SLIT2: variants seen among roughly 807,000 people sequenced by gnomAD.
The protein encoded by SLIT2 is slit homolog 2 protein.
A neutral mutation model predicts 185.7 loss-of-function variants in SLIT2; 41 were observed. That is an observed-to-expected ratio of 0.22 (90% CI 0.17 to 0.29). The LOEUF (loss-of-function observed/expected upper bound fraction) is 0.29. Ranked by LOEUF, SLIT2 falls within the 10% of genes least tolerant of loss-of-function variation. The pLI is 1.00. For missense variants in SLIT2, 1,571 were observed against 1,909.0 expected, an observed-to-expected ratio of 0.82 and a Z score of 3.30; for synonymous variants, 693 against 680.2, an observed-to-expected ratio of 1.02 and a Z score of -0.29.
At chr4:20,410,802 C>T (rs1310978873) in intron 4 of SLIT2, among the ~76,000 whole-genome samples, 1 of 152,014 alleles carries the variant, frequency 6.6e-6, no homozygotes, top group African/African-American at 2.4e-5. Flanking sequence ...CAGTATCATG[C>T]TGTTTTGGTT....
rs187695369 is a variant in SLIT2, at chr4:20,505,285, G to A, written c.915-5210G>A. Among the ~76,000 whole-genome samples, 27 of 152,158 alleles carry A rather than the reference G, an allele frequency of 1.8e-4. No individual in the cohort carries two copies. The South Asian group carries it at 5.2e-3, about 29-fold the overall frequency. On this transcript the variant is annotated intron_variant, in intron 9 of 36. Coordinates refer to ENST00000504154, the MANE Select transcript of SLIT2 (RefSeq NM_004787.4). ...GTAAGGTCCAGAGAGCTAATCAGCT[G>A]CAGATCCAGAATTTAGTCCATGTCT...
chr4:20,575,232 T>G (rs1725989878), intron 29 of SLIT2, among the ~76,000 whole-genome samples: 1 of 152,254 alleles, frequency 6.6e-6, no homozygotes, highest in African/African-American at 2.4e-5. Context: ...CATGCTTATG[T>G]TTATAAAAGC....
rs1728148853 is a variant in SLIT2, at chr4:20,598,408, C to T, written c.3692+13C>T. 1 of 1,613,504 alleles carries T rather than the reference C, an allele frequency of 6.2e-7. No individual in the cohort carries two copies. Among genetic ancestry groups the T allele is most frequent in the African/African-American group, 1.3e-5 (1 of 74,828 alleles). On this transcript the variant is annotated intron_variant, in intron 33 of 36. Coordinates refer to ENST00000504154, the MANE Select transcript of SLIT2 (RefSeq NM_004787.4). ...CTGCCATTTACAGGTGAAGATCTCT[C>T]AGTTACGGGTAAAGGTGAAAAAAAT...
Position 20,253,700 on chromosome 4 carries a change from G to A in SLIT2, c.-116G>A. The stretch of plus-strand genomic sequence containing the variant: ...TATTATTTGGTGCACATTTTCCCTG[G>A]CACTCTGGGTTGCTAGCCCCGCCGG... On this transcript the variant is annotated 5_prime_UTR_variant, in exon 1 of 37. Coordinates refer to ENST00000504154, the MANE Select transcript of SLIT2 (RefSeq NM_004787.4). The A allele has an allele frequency of 1.6e-6, 2 of 1,237,566 alleles. No homozygotes were observed. The highest frequency in any genetic ancestry group is 2.3e-5 in the East Asian group (1 of 42,720). The allele number at this position is 1,237,566 out of a possible 1,614,324, so 76.7% of individuals were successfully genotyped here.
intron 4 of SLIT2, among the ~76,000 whole-genome samples, chr4:20,401,914 T>C (rs1332943027): frequency 6.6e-6 from 1 of 151,902 alleles, no homozygotes; most frequent in Non-Finnish European, 1.5e-5. Context: ...TTTATGGCAG[T>C]TTAGAGAGTC....
intron 4 of SLIT2, among the ~76,000 whole-genome samples, chr4:20,346,870 G>A (rs147328394): frequency 6.6e-6 from 1 of 152,254 alleles, no homozygotes; most frequent in African/African-American, 2.4e-5. Context: ...AGCAAGTCTG[G>A]TCCTTCCACG....
At chr4:20,364,096 G>A (rs1250483318) in intron 4 of SLIT2, among the ~76,000 whole-genome samples, 2 of 152,096 alleles carry the variant, frequency 1.3e-5, no homozygotes, top group East Asian at 1.9e-4. Context: ...GGGAAAGTTC[G>A]TCTTTGCTCT....
intron 4 of SLIT2, among the ~76,000 whole-genome samples, chr4:20,407,927 A>T (rs913405682): frequency 6.6e-6 from 1 of 152,144 alleles, no homozygotes; most frequent in Non-Finnish European, 1.5e-5. Flanking sequence ...AAATAAAACA[A>T]AACACTTTGA....
intron 34 of SLIT2, among the ~76,000 whole-genome samples, chr4:20,613,245 A>G (rs940293264): frequency 2.0e-5 from 3 of 152,198 alleles, no homozygotes; most frequent in African/African-American, 7.2e-5. Flanking sequence ...AAGACATGGA[A>G]TCAACCTAAA....
intron 4 of SLIT2, among the ~76,000 whole-genome samples, chr4:20,352,367 C>T (rs1018410427): frequency 2.0e-5 from 3 of 151,966 alleles, no homozygotes; most frequent in African/African-American, 4.8e-5. Context: ...ATTTTGTCAT[C>T]AGTTCTCTGA....
chr4:20,324,038 A>G (rs1368693009), intron 4 of SLIT2, among the ~76,000 whole-genome samples: 2 of 152,198 alleles, frequency 1.3e-5, no homozygotes, highest in Non-Finnish European at 2.9e-5. Flanking sequence ...GGAAGAAACA[A>G]TAAGATTGTG....
At chr4:20,327,730 C>T (rs1038113123) in intron 4 of SLIT2, among the ~76,000 whole-genome samples, 2 of 151,902 alleles carry the variant, frequency 1.3e-5, no homozygotes, top group Non-Finnish European at 2.9e-5. Flanking sequence ...TTTATACTTA[C>T]GATGTATGAA....
chr4:20,369,657 C>A (rs1370237694), intron 4 of SLIT2, among the ~76,000 whole-genome samples: 1 of 152,108 alleles, frequency 6.6e-6, no homozygotes, highest in African/African-American at 2.4e-5. Context: ...GGGTCTCCTG[C>A]ACAGAAACTC....
At chr4:20,333,958 G>A (rs1397514962) in intron 4 of SLIT2, among the ~76,000 whole-genome samples, 1 of 152,162 alleles carries the variant, frequency 6.6e-6, no homozygotes, top group East Asian at 1.9e-4. Flanking sequence ...AAAGATTGGT[G>A]CCAATTGATG....
At chr4:20,349,124 G>T (rs977503491) in intron 4 of SLIT2, among the ~76,000 whole-genome samples, 5 of 152,068 alleles carry the variant, frequency 3.3e-5, no homozygotes, top group African/African-American at 9.7e-5. Context: ...ATAGGAATTC[G>T]GTGTGGACAA....
intron 4 of SLIT2, among the ~76,000 whole-genome samples, chr4:20,307,859 G>T (rs188378862): frequency 1.2e-4 from 19 of 152,232 alleles, no homozygotes; most frequent in African/African-American, 3.9e-4. Context: ...AGGCAGAACT[G>T]GGATTTGAGA....
chr4:20,475,348 A>G (rs1715982165), intron 5 of SLIT2, among the ~76,000 whole-genome samples: 1 of 147,398 alleles, frequency 6.8e-6, no homozygotes, highest in African/African-American at 2.5e-5. Flanking sequence ...TTTCATGACT[A>G]CATCAGCCTA....
intron 3 of SLIT2, 130 bp from the exon 4 acceptor site, chr4:20,268,680 T>C: frequency 1.4e-6 from 1 of 697,740 alleles, no homozygotes; most frequent in Non-Finnish European, 2.6e-6. Context: ...TGATTTGCAA[T>C]GCTTGAATTC....
At chr4:20,511,305 G>T (rs1370074029) in intron 11 of SLIT2, among the ~76,000 whole-genome samples, 168 bp downstream of exon 11, 4 of 151,800 alleles carry the variant, frequency 2.6e-5, no homozygotes, top group Non-Finnish European at 5.9e-5. Context: ...TTTTATGGAG[G>T]ACTGCTACCC....
Sources: allele counts gnomAD v4.1 joint callset (sites outside exome capture counted in the v4.1 genomes callset), GRCh38; gene constraint gnomAD v4.1.1; transcripts MANE v1.5; gene names NCBI Gene and HGNC (gene_info 2026-07-23, HGNC 2026-07-21).